PNO1: variants seen among roughly 807,000 people sequenced by gnomAD.
PNO1 encodes RNA-binding protein PNO1.
A neutral mutation model predicts 28.4 loss-of-function variants in PNO1; 16 were observed. The observed-to-expected ratio is 0.56, with a 90% confidence interval of 0.38 to 0.85. The LOEUF is 0.85. Among genes scored for constraint, PNO1 ranks in the 40% least tolerant of loss-of-function variants. The pLI is 0.00. For synonymous variants in PNO1, 115 were observed against 110.8 expected (o/e 1.04, Z -0.24); for missense variants, 304 against 312.2 (o/e 0.97, Z 0.20).
At position 68,158,022 on chromosome 2, in the gene PNO1, C is replaced by G. The variant is rs1673708335; in HGVS notation, c.88C>G (p.Arg30Gly). ...TRKGGRRAKK[R>G]QAEQLSAAGE... is the part of the protein sequence containing the mutation. Reference sequence around the variant, plus strand: ...CAAGGGTGGCCGACGGGCGAAGAAACGACAGGCTGAACAGCTGTCCGCAGC... The same window carrying G: ...CAAGGGTGGCCGACGGGCGAAGAAAGGACAGGCTGAACAGCTGTCCGCAGC... Residue 30 changes from arginine (R) to glycine (G), a missense_variant, in exon 1 of 7, where the codon CGA (arginine) becomes GGA (glycine). By Grantham distance (125) the Arg-to-Gly change is moderately radical. Transcript: ENST00000263657. The G allele has an allele frequency of 6.2e-7, 1 of 1,614,036 alleles. No individual in the cohort carries two copies. The highest frequency in any genetic ancestry group is 1.3e-5 in the African/African-American group (1 of 74,940).
chr2:68,168,803 G>A (rs1674055179), intron 5 of PNO1, among the ~76,000 whole-genome samples: 1 of 151,676 alleles, frequency 6.6e-6, no homozygotes. Context: ...ACAGCTTCAT[G>A]AATTTCCTTT....
rs1405699689 is a variant in PNO1 at position 68,173,360 on chromosome 2, C to T, written c.634C>T (p.Leu212Phe). ...TATTTCTTTCAGGAAAGTTCACATC[C>T]TTGGCTCCTTCCAAAATATCAAGAT... ...IVLADVKVHI[L>F]GSFQNIKMAR... The change falls in exon 6 of 7, where the codon CTT (leucine) becomes TTT (phenylalanine). Residue 212 changes from leucine (L) to phenylalanine (F), a missense_variant. Physicochemically the swap from Leu to Phe is conservative, Grantham distance 22. Transcript: ENST00000263657. 1 of 1,601,674 alleles carries T rather than the reference C, an allele frequency of 6.2e-7. No individual in the cohort carries two copies. Among genetic ancestry groups the T allele is most frequent in the South Asian group, 1.1e-5 (1 of 90,764 alleles).
chr2:68,170,472 G>T (rs143789699), intron 5 of PNO1, among the ~76,000 whole-genome samples: 2,041 of 152,236 alleles, frequency 0.013, 43 homozygotes, highest in African/African-American at 0.046. Flanking sequence ...TATTGGCCGG[G>T]CGTGATGGCT....
chr2:68,172,211 G>T (rs1674148765), intron 5 of PNO1, among the ~76,000 whole-genome samples: 1 of 152,208 alleles, frequency 6.6e-6, no homozygotes, highest in African/African-American at 2.4e-5. Context: ...GTGATCTGTA[G>T]GGGCAGCTGA....
intron 5 of PNO1, among the ~76,000 whole-genome samples, chr2:68,168,192 C>T (rs953137321): frequency 2.0e-5 from 3 of 152,188 alleles, no homozygotes; most frequent in Admixed American, 6.5e-5. Flanking sequence ...ATAGGAGGAG[C>T]TCTGAATATA....
Position 68,175,212 on chromosome 2 carries a change from A to C in PNO1, c.*410A>C, listed in dbSNP as rs1674244471. ...AAATTGTAATTTAATAGATTATCTCAGAAAAACCTCTCTGAATGATGACCC... is the reference window on the plus strand; with the variant it reads ...AAATTGTAATTTAATAGATTATCTCCGAAAAACCTCTCTGAATGATGACCC... On this transcript the variant is annotated 3_prime_UTR_variant, in exon 7 of 7. Transcript: ENST00000263657. 1 of 153,310 alleles carries C rather than the reference A, an allele frequency of 6.5e-6. No homozygotes were observed. Among genetic ancestry groups the C allele is most frequent in the African/African-American group, 2.4e-5 (1 of 41,456 alleles). The allele number at this position is 153,310 out of a possible 1,614,324, so 9.5% of individuals were successfully genotyped here. A position where few individuals can be genotyped will look rare whatever the true frequency, so the allele number is the denominator to read the frequency against.
intron 5 of PNO1, among the ~76,000 whole-genome samples, chr2:68,169,643 T>C (rs1674077919): frequency 6.6e-6 from 1 of 152,256 alleles, no homozygotes; most frequent in South Asian, 2.1e-4. Flanking sequence ...TGGCATCATA[T>C]ATGGCTTGTG....
At chr2:68,173,083 CTTTTTTT>C (rs200879340) in intron 5 of PNO1, 166 of 111,884 alleles carry the variant, frequency 1.5e-3, no homozygotes, top group Middle Eastern at 8.5e-3. Context: ...TCTACAATGT[CTTTTTTT>C]TTTTTTTTTT....
Position 68,157,914 on chromosome 2 carries a change from A to C in PNO1, c.-21A>C. 6.2e-7 allele frequency: 1 copy of C among 1,609,568 alleles called. No individual in the cohort carries two copies. Among genetic ancestry groups the C allele is most frequent in the Non-Finnish European group, 8.5e-7 (1 of 1,176,438 alleles). On this transcript the variant is annotated 5_prime_UTR_variant, in exon 1 of 7. Coordinates refer to ENST00000263657, the MANE Select transcript of PNO1 (RefSeq NM_020143.4). ...CAGCTGCGCACGTGTTTCAGCCGGCAGCGCTTTAAGATTTCCGGGGATGGA... is the reference window on the plus strand; with the variant it reads ...CAGCTGCGCACGTGTTTCAGCCGGCCGCGCTTTAAGATTTCCGGGGATGGA...
intron 5 of PNO1, among the ~76,000 whole-genome samples, chr2:68,165,037 G>A (rs1673938219): frequency 6.6e-6 from 1 of 151,796 alleles, no homozygotes; most frequent in Admixed American, 6.6e-5. Context: ...TCAAGTCATG[G>A]ACTGGCTGAG....
rs777614179 is a variant in PNO1, at chr2:68,157,918, C to T, written c.-17C>T. The T allele has an allele frequency of 1.9e-6, 3 of 1,611,884 alleles. No homozygotes were observed. Among genetic ancestry groups the T allele is most frequent in the Non-Finnish European group, 2.5e-6 (3 of 1,178,398 alleles). On this transcript the variant is annotated 5_prime_UTR_variant, in exon 1 of 7. Transcript: ENST00000263657. ...TGCGCACGTGTTTCAGCCGGCAGCG[C>T]TTTAAGATTTCCGGGGATGGAATCC...
rs1673737077 is a variant in PNO1, at chr2:68,158,539, A to C, written c.357+10A>C. The C allele has an allele frequency of 6.2e-7, 1 of 1,607,802 alleles. No homozygotes were observed. The highest frequency in any genetic ancestry group is 8.5e-7 in the Non-Finnish European group (1 of 1,177,306). ...GAATGTAGAAATCAGGGTAAGGAAAATCTCAATCATTTCCCAATACACCAG... is the reference window on the plus strand; with the variant it reads ...GAATGTAGAAATCAGGGTAAGGAAACTCTCAATCATTTCCCAATACACCAG... On this transcript the variant is annotated intron_variant, in intron 2 of 6. Transcript: ENST00000263657.
At chr2:68,167,788 C>G (rs957780743) in intron 5 of PNO1, among the ~76,000 whole-genome samples, 1 of 152,214 alleles carries the variant, frequency 6.6e-6, no homozygotes, top group Non-Finnish European at 1.5e-5. Flanking sequence ...TTTAAAGCCA[C>G]CTCTTTCTAA....
chr2:68,159,662 G>A (rs1033377327), intron 2 of PNO1, among the ~76,000 whole-genome samples: 4 of 151,970 alleles, frequency 2.6e-5, no homozygotes, highest in Admixed American at 2.6e-4. Flanking sequence ...CATCCGGACT[G>A]GTATAGTCTC....
rs796662188 is a variant in PNO1 at position 68,172,664 on chromosome 2, T to G, written c.621-683T>G. Among the ~76,000 whole-genome samples, 86 of 152,354 alleles carry G rather than the reference T, an allele frequency of 5.6e-4. 3 individuals are homozygous for G. Among genetic ancestry groups the G allele is most frequent in the African/African-American group, 1.9e-3 (79 of 41,572 alleles). On this transcript the variant is annotated intron_variant, in intron 5 of 6. Coordinates refer to ENST00000263657, the MANE Select transcript of PNO1 (RefSeq NM_020143.4). ...ATTATGTTGAAATTGAGTACAGTATTGCATTTATGGGTATTCAGTAACCAG... is the reference window on the plus strand; with the variant it reads ...ATTATGTTGAAATTGAGTACAGTATGGCATTTATGGGTATTCAGTAACCAG...
chr2:68,171,391 C>T (rs1471076816), intron 5 of PNO1, among the ~76,000 whole-genome samples: 1 of 152,178 alleles, frequency 6.6e-6, no homozygotes, highest in Non-Finnish European at 1.5e-5. Flanking sequence ...GAGTCTCTTT[C>T]CCAGAGTTCT....
At chr2:68,174,033 A>G (rs1312564968) in intron 6 of PNO1, among the ~76,000 whole-genome samples, 1 of 152,210 alleles carries the variant, frequency 6.6e-6, no homozygotes, top group Admixed American at 6.5e-5. Flanking sequence ...TTTAGGTTTA[A>G]CAAAGGAAGA....
Position 68,173,003 on chromosome 2 carries a change from A to G in PNO1, c.621-344A>G, listed in dbSNP as rs140182056. The G allele has an allele frequency of 3.7e-3, 714 of 193,974 alleles. 3 individuals carry two copies. Among genetic ancestry groups the G allele is most frequent in the African/African-American group, 0.016 (671 of 42,692 alleles). The allele number at this position is 193,974 out of a possible 1,614,324, so 12.0% of individuals were successfully genotyped here. ...CCATAACCACTGCCCTCATTAAAGAATCTGACTCAAATATCATGATTTTCC... is the reference window on the plus strand; with the variant it reads ...CCATAACCACTGCCCTCATTAAAGAGTCTGACTCAAATATCATGATTTTCC... On this transcript the variant is annotated intron_variant, in intron 5 of 6. Coordinates refer to ENST00000263657, the MANE Select transcript of PNO1 (RefSeq NM_020143.4).
At chr2:68,173,860 C>T (rs1674198553) in intron 6 of PNO1, among the ~76,000 whole-genome samples, 1 of 152,228 alleles carries the variant, frequency 6.6e-6, no homozygotes, top group South Asian at 2.1e-4. Context: ...GGATTACAGG[C>T]GTGAGCCACC....
Sources: allele counts gnomAD v4.1 joint callset (sites outside exome capture counted in the v4.1 genomes callset), GRCh38; gene constraint gnomAD v4.1.1; transcripts MANE v1.5; gene names NCBI Gene and HGNC (gene_info 2026-07-23, HGNC 2026-07-21).